Variants in TUSC3 observed in about 807,000 individuals in gnomAD.
The protein encoded by TUSC3 is dolichyl-diphosphooligosaccharide--protein glycosyltransferase subunit TUSC3.
Under a neutral mutation model 44.8 loss-of-function variants are expected in TUSC3, and 45 were observed. The observed-to-expected ratio is 1.00, with a 90% CI of 0.79 to 1.29. TUSC3 has a LOEUF of 1.29. Ranked by LOEUF, TUSC3 falls within the 50% of genes most tolerant of loss-of-function variation. TUSC3 has a pLI of 0.00. For synonymous variants in TUSC3, 212 were observed against 152.9 expected (o/e 1.39, Z -2.85); for missense variants, 519 against 437.9 (o/e 1.19, Z -1.65).
chr8:15,617,959 A>G (rs1805066694), intron 1 of TUSC3, among the ~76,000 whole-genome samples: 1 of 152,238 alleles, frequency 6.6e-6, no homozygotes, highest in Non-Finnish European at 1.5e-5. Context: ...ACAAAGCTGT[A>G]CACAATAGTA....
At chr8:15,771,149 A>C (rs769680455), downstream of TUSC3, among the ~76,000 whole-genome samples, 6 of 152,178 alleles carry the variant, frequency 3.9e-5, no homozygotes, top group Non-Finnish European at 8.8e-5. Flanking sequence ...GTACCTGGCA[A>C]AGTTATCCTT....
At chr8:15,508,852 C>T (rs1190582565) in intron 2 of TUSC3, among the ~76,000 whole-genome samples, 4 of 152,190 alleles carry the variant, frequency 2.6e-5, no homozygotes, top group Non-Finnish European at 5.9e-5. Flanking sequence ...CTGCTACTCA[C>T]TCTGTCAACA....
intron 2 of TUSC3, among the ~76,000 whole-genome samples, chr8:15,627,292 C>T (rs13275624): frequency 0.3 from 45,716 of 152,020 alleles, 7,711 homozygotes; most frequent in East Asian, 0.41. Flanking sequence ...AAAGGAGGTA[C>T]CCTCCCTACT....
At chr8:15,638,206 C>G (rs895724472) in intron 2 of TUSC3, among the ~76,000 whole-genome samples, 2 of 152,088 alleles carry the variant, frequency 1.3e-5, no homozygotes, top group African/African-American at 2.4e-5. Flanking sequence ...CCCTCGTACC[C>G]CTTTTTCCCT....
intron 1 of TUSC3, among the ~76,000 whole-genome samples, chr8:15,454,794 G>T (rs1800235588): frequency 6.6e-6 from 1 of 152,110 alleles, no homozygotes. Flanking sequence ...AACTTGCTGG[G>T]ATATGATTTA....
chr8:15,693,979 A>G (rs536074345), intron 6 of TUSC3, among the ~76,000 whole-genome samples: 17 of 152,094 alleles, frequency 1.1e-4, no homozygotes, highest in Admixed American at 5.9e-4. Flanking sequence ...TTTCAGCTCT[A>G]TCAGCTCAGT....
chr8:15,629,110 T>G (rs895421464), intron 2 of TUSC3, among the ~76,000 whole-genome samples: 10 of 152,206 alleles, frequency 6.6e-5, no homozygotes, highest in Non-Finnish European at 8.8e-5. Context: ...ATACATGATT[T>G]TCGATGGTAT....
the TUSC3 span, among the ~76,000 whole-genome samples, chr8:15,800,730 T>C: frequency 6.6e-6 from 1 of 152,222 alleles, no homozygotes. Context: ...AGTGCCTTCT[T>C]AGTATTTTAT....
rs559392575 is a variant in TUSC3 at position 15,589,137 on chromosome 8, C to T, written c.139-33943C>T. Among the ~76,000 whole-genome samples, 14 of 152,222 alleles carry T rather than the reference C, an allele frequency of 9.2e-5. No individual in the cohort carries two copies. In the South Asian group the frequency reaches 2.3e-3, roughly 25 times the overall value. On this transcript the variant is annotated intron_variant, in intron 1 of 10. Transcript: ENST00000503731. ...AGATACAAATATAGCTACTCCTACA[C>T]CCTTTTGGTTTCCATTTACGTGGGA...
chr8:15,507,636 C>A (rs1446052716), intron 2 of TUSC3, among the ~76,000 whole-genome samples: 1 of 151,930 alleles, frequency 6.6e-6, no homozygotes, highest in Non-Finnish European at 1.5e-5. Flanking sequence ...ATTTCGGAAA[C>A]CTCCCATATA....
the TUSC3 span, chr8:15,807,136 G>A: frequency 1.0e-6 from 1 of 999,722 alleles, no homozygotes; most frequent in Non-Finnish European, 1.6e-6. Context: ...CACCTTTCAA[G>A]TCCACTTGGC....
At chr8:15,773,027 A>G in the TUSC3 span, among the ~76,000 whole-genome samples, 10 of 44,216 alleles carry the variant, frequency 2.3e-4, no homozygotes, top group Admixed American at 2.5e-3. Flanking sequence ...AGCAGCTAAC[A>G]TAACATTCAA....
chr8:15,526,950 A>G (rs1585076503), intron 2 of TUSC3, among the ~76,000 whole-genome samples: 1 of 152,200 alleles, frequency 6.6e-6, no homozygotes. Flanking sequence ...CATAAATACT[A>G]AAGGATAAAG....
At chr8:15,648,725 C>CAAAAAAAAAAAAAAAAAAAAAAAAA in intron 2 of TUSC3, among the ~76,000 whole-genome samples, 1 of 26,156 alleles carries the variant, frequency 3.8e-5, no homozygotes, top group South Asian at 3.5e-3. Context: ...GACTCTGTGT[C>CAAAAAAAAAAAAAAAAAAAAAAAAA]AAAAAAAAAA....
the TUSC3 span, among the ~76,000 whole-genome samples, chr8:15,804,453 T>C: frequency 6.6e-6 from 1 of 152,176 alleles, no homozygotes; most frequent in African/African-American, 2.4e-5. Flanking sequence ...AGGATTTTCA[T>C]AGTTTGAGGT....
intron 2 of TUSC3, among the ~76,000 whole-genome samples, chr8:15,528,314 A>C (rs13254596): frequency 6.6e-6 from 1 of 152,032 alleles, no homozygotes; most frequent in South Asian, 2.1e-4. Flanking sequence ...TGATGAGTTC[A>C]GGAAATGAAT....
At chr8:15,681,581 C>T (rs1204324391) in intron 6 of TUSC3, among the ~76,000 whole-genome samples, 1 of 150,582 alleles carries the variant, frequency 6.6e-6, no homozygotes, top group Non-Finnish European at 1.5e-5. Context: ...CTTTATTAGC[C>T]AGTAGTCTTT....
At chr8:15,806,300 A>C in the TUSC3 span, 2 of 690,050 alleles carry the variant, frequency 2.9e-6, no homozygotes, top group Middle Eastern at 2.7e-4. Flanking sequence ...TGTACACCAC[A>C]TGGACTAAGT....
At chr8:15,828,702 T>C in the TUSC3 span, among the ~76,000 whole-genome samples, 1 of 152,238 alleles carries the variant, frequency 6.6e-6, no homozygotes, top group Non-Finnish European at 1.5e-5. Flanking sequence ...ATATCTAATA[T>C]TCGACTTCTC....
Sources: gnomAD v4.1 joint callset for allele counts (sites outside exome capture counted in the v4.1 genomes callset) on GRCh38, gnomAD v4.1.1 for gene constraint, MANE v1.5 for transcripts, NCBI Gene and HGNC (gene_info 2026-07-23, HGNC 2026-07-21) for gene names.